RB1: variants seen among roughly 807,000 people sequenced by gnomAD.
RB1 encodes the protein RB transcriptional corepressor 1.
A neutral mutation model predicts 135.4 loss-of-function variants in RB1; 18 were observed. The observed-to-expected ratio is 0.13, with a 90% CI of 0.09 to 0.20. The LOEUF (loss-of-function observed/expected upper bound fraction) is 0.20. RB1 is among the 10% of genes least tolerant of loss of function. The pLI is 1.00. For missense variants in RB1, 868 were observed against 1,110.0 expected (o/e 0.78, Z 3.10); for synonymous variants, 365 against 373.2 (o/e 0.98, Z 0.25).
intron 17 of RB1, among the ~76,000 whole-genome samples, chr13:48,388,643 T>C (rs573456042): frequency 8.7e-4 from 132 of 152,294 alleles, no homozygotes; most frequent in Non-Finnish European, 1.4e-3. Flanking sequence ...TCTTTCTGGC[T>C]CCAAAGCTAT....
At position 48,387,213 on chromosome 13, in the gene RB1, A is replaced by G. The variant is rs144551957; in HGVS notation, c.1695+5770A>G. On this transcript the variant is annotated intron_variant, in intron 17 of 26. Coordinates refer to ENST00000267163, the MANE Select transcript of RB1 (RefSeq NM_000321.3). ...GTGAAGACATTCAGAAGATCATAAA[A>G]CAGTGCTATTGTTCTATCTTTTTTG... Among the ~76,000 whole-genome samples, 1,519 of 152,332 alleles carry G rather than the reference A, an allele frequency of 1.0e-2. 36 individuals carry two copies. The highest frequency in any genetic ancestry group is 0.035 in the African/African-American group (1,441 of 41,572).
intron 2 of RB1, chr13:48,318,574 G>A (rs984912730): frequency 6.3e-5 from 41 of 655,822 alleles, no homozygotes; most frequent in Non-Finnish European, 1.0e-4. Context: ...CCCTGGACGG[G>A]CAGGTCCCGC....
In RB1 at chr13:48,460,740, C is replaced by A. The variant is rs377726576; in HGVS notation, c.2106+907C>A. On this transcript the variant is annotated intron_variant, in intron 20 of 26. Coordinates refer to ENST00000267163, the MANE Select transcript of RB1 (RefSeq NM_000321.3). ...CTTTGGGAGGCTGAGGTGGGCAGAT[C>A]GCTTGAGCTCAGGAGTTTGAGACCA... Among the ~76,000 whole-genome samples, 3 of 152,200 alleles carry A rather than the reference C, an allele frequency of 2.0e-5. 1 individual carries two copies. Among genetic ancestry groups the A allele is most frequent in the South Asian group, 4.1e-4 (2 of 4,824 alleles).
intron 24 of RB1, 179 bp from the exon 25 acceptor site, chr13:48,476,522 G>C (rs1949504786): frequency 1.7e-6 from 1 of 604,746 alleles, no homozygotes; most frequent in East Asian, 3.0e-5. Flanking sequence ...GATGGAATTA[G>C]GTAGTTATTC....
intron 18 of RB1, 66 bp from the exon 19 acceptor site, chr13:48,456,138 A>C: frequency 6.2e-7 from 1 of 1,603,546 alleles, no homozygotes; most frequent in Non-Finnish European, 8.5e-7. Context: ...ACAACCTTGA[A>C]GTGTATGTAT....
intron 26 of RB1, among the ~76,000 whole-genome samples, chr13:48,478,244 T>C (rs1949516049): frequency 6.6e-6 from 1 of 152,218 alleles, no homozygotes; most frequent in Non-Finnish European, 1.5e-5. Flanking sequence ...TTTTAATACA[T>C]CTTTGTAGAT....
At chr13:48,472,916 A>C (rs918581346) in intron 23 of RB1, among the ~76,000 whole-genome samples, 3 of 152,224 alleles carry the variant, frequency 2.0e-5, no homozygotes, top group Non-Finnish European at 2.9e-5. Context: ...TCTATGATAT[A>C]TGATAAATAG....
intron 18 of RB1, among the ~76,000 whole-genome samples, chr13:48,454,888 G>A (rs1287628892): frequency 6.6e-6 from 1 of 152,202 alleles, no homozygotes; most frequent in Non-Finnish European, 1.5e-5. Context: ...TGGGGTATTG[G>A]AAGAGGAGAA....
intron 2 of RB1, chr13:48,328,521 C>T (rs1205716482): frequency 1.0e-5 from 8 of 767,330 alleles, no homozygotes; most frequent in Non-Finnish European, 1.7e-5. Flanking sequence ...CAGCTCATTG[C>T]GACTTTTCCG....
In RB1 at chr13:48,382,132, C is replaced by A. The variant is rs576546335; in HGVS notation, c.1695+689C>A. Among the ~76,000 whole-genome samples the A allele has an allele frequency of 2.0e-5, 3 of 152,264 alleles. No individual in the cohort carries two copies. The South Asian group carries it at 6.2e-4, about 32-fold the overall frequency. On this transcript the variant is annotated intron_variant, in intron 17 of 26. Transcript: ENST00000267163. The stretch of plus-strand genomic sequence containing the variant: ...TTATTGTTGGACATTTGGGTTGCTT[C>A]CAAGTCTTTGCTATTGTGAATAGTG...
At chr13:48,447,073 A>G (rs1949293847) in intron 17 of RB1, among the ~76,000 whole-genome samples, 1 of 152,214 alleles carries the variant, frequency 6.6e-6, no homozygotes, top group Non-Finnish European at 1.5e-5. Context: ...AAAGAAGTCA[A>G]ACTTGGAATA....
chr13:48,315,485 C>T (rs561221491), intron 2 of RB1, among the ~76,000 whole-genome samples: 2 of 152,166 alleles, frequency 1.3e-5, no homozygotes, highest in South Asian at 4.1e-4. Context: ...AGTTTGACTT[C>T]CTTTTTTCTT....
chr13:48,379,510 A>T, intron 13 of RB1, 84 bp from the exon 14 acceptor site: 1 of 1,437,194 alleles, frequency 7.0e-7, no homozygotes, highest in South Asian at 1.3e-5. Context: ...AAACAGTGAG[A>T]CTCCATCTCA....
intron 2 of RB1, among the ~76,000 whole-genome samples, chr13:48,315,156 C>T (rs1226256182): frequency 6.6e-6 from 1 of 151,844 alleles, no homozygotes; most frequent in Non-Finnish European, 1.5e-5. Context: ...GATATTGATT[C>T]TTCTTATCCA....
chr13:48,341,299 C>A (rs894939787), intron 2 of RB1: 1 of 151,724 alleles, frequency 6.6e-6, no homozygotes, highest in African/African-American at 2.4e-5. Flanking sequence ...TAGGGATATA[C>A]CCCAATTTAT....
chr13:48,407,319 C>T (rs1266730306), intron 17 of RB1, among the ~76,000 whole-genome samples: 2 of 152,062 alleles, frequency 1.3e-5, no homozygotes, highest in Non-Finnish European at 2.9e-5. Context: ...ATTTTCTACC[C>T]TTTTAAGAGG....
chr13:48,357,291 C>T (rs982468651), intron 6 of RB1, among the ~76,000 whole-genome samples: 3 of 151,798 alleles, frequency 2.0e-5, no homozygotes, highest in Non-Finnish European at 4.4e-5. Context: ...ATTTTTAAAT[C>T]TTTTTCTTAC....
chr13:48,414,274 G>A (rs1948870041), intron 17 of RB1, among the ~76,000 whole-genome samples: 1 of 151,564 alleles, frequency 6.6e-6, no homozygotes, highest in Admixed American at 6.6e-5. Flanking sequence ...TTGAACCTGG[G>A]AGGCAGATGT....
intron 17 of RB1, among the ~76,000 whole-genome samples, chr13:48,434,682 G>A (rs1419352322): frequency 6.6e-6 from 1 of 152,094 alleles, no homozygotes; most frequent in Non-Finnish European, 1.5e-5. Context: ...AAAATGTGTA[G>A]GTCCATGTAT....
Sources: allele counts gnomAD v4.1 joint callset (sites outside exome capture counted in the v4.1 genomes callset), GRCh38; gene constraint gnomAD v4.1.1; transcripts MANE v1.5; gene names NCBI Gene and HGNC (gene_info 2026-07-23, HGNC 2026-07-21).